SEC14L3: variants seen among roughly 807,000 people sequenced by gnomAD.
The protein encoded by SEC14L3 is SEC14 like lipid binding 3.
SEC14L3 carries 56 observed loss-of-function variants against 57.4 expected under a neutral mutation model. The ratio of observed to expected loss-of-function variants is 0.97; its 90% CI spans 0.79 to 1.22. The LOEUF is 1.22. Among genes scored for constraint, SEC14L3 ranks in the 50% most tolerant of loss-of-function variants. The probability of loss-of-function intolerance (pLI) is 0.00; values close to 1 mark genes in which losing one functional copy is unlikely to be tolerated. For missense variants in SEC14L3, 485 were observed against 511.7 expected (o/e 0.95, Z 0.50); for synonymous variants, 173 against 194.4 (o/e 0.89, Z 0.92).
At chr22:30,454,758 T>G (rs1216368390), downstream of SEC14L3, among the ~76,000 whole-genome samples, 4 of 83,032 alleles carry the variant, frequency 4.8e-5, no homozygotes, top group Non-Finnish European at 8.1e-5. Context: ...TTATATATAA[T>G]ATATAATATA....
downstream of SEC14L3, among the ~76,000 whole-genome samples, chr22:30,456,333 G>A (rs1483071064): frequency 2.0e-5 from 3 of 147,616 alleles, no homozygotes; most frequent in Non-Finnish European, 3.0e-5. Flanking sequence ...CACCAAACAC[G>A]AAAAAAGGAA....
At chr22:30,452,002 A>AC (rs1259362670) in intron 12 of SEC14L3, among the ~76,000 whole-genome samples, 1 of 145,306 alleles carries the variant, frequency 6.9e-6, no homozygotes, top group Non-Finnish European at 1.5e-5. Context: ...AAAAAAAAAA[A>AC]AAAAAAAGAA....
chr22:30,452,533 T>C (rs1449819602), intron 12 of SEC14L3, among the ~76,000 whole-genome samples: 1 of 151,912 alleles, frequency 6.6e-6, no homozygotes, highest in East Asian at 1.9e-4. Context: ...TCAAGGACTT[T>C]TCCAGACCTC....
At chr22:30,468,415 T>C (rs1935491098) in intron 5 of SEC14L3, 93 bp downstream of exon 5, 2 of 893,880 alleles carry the variant, frequency 2.2e-6, no homozygotes, top group African/African-American at 3.3e-5. Flanking sequence ...CCTCTGACTG[T>C]GGTTGTAGAG....
At chr22:30,454,536 A>AATAATATTATTAGATATAATCT (rs1556005535), downstream of SEC14L3, among the ~76,000 whole-genome samples, 70 of 73,694 alleles carry the variant, frequency 9.5e-4, 2 homozygotes, top group East Asian at 0.011. Flanking sequence ...TATAATCTAT[A>AATAATATTATTAGATATAATCT]ATAATATTAT....
downstream of SEC14L3, among the ~76,000 whole-genome samples, chr22:30,458,323 G>A (rs1490167333): frequency 2.6e-5 from 4 of 152,182 alleles, no homozygotes; most frequent in Non-Finnish European, 4.4e-5. Context: ...TGTGAGCAGC[G>A]GACAGGATGC....
chr22:30,459,249 A>T lies in SEC14L3; in HGVS notation c.*772T>A. On this transcript the variant is annotated 3_prime_UTR_variant, in exon 12 of 12. Coordinates refer to ENST00000215812, the MANE Select transcript of SEC14L3 (RefSeq NM_174975.5). ...CCAAATGATAGTTGTTTTCTTTATTATGATTATGCCAGATGTGACTGCCTT... is the reference window on the plus strand; with the variant it reads ...CCAAATGATAGTTGTTTTCTTTATTTTGATTATGCCAGATGTGACTGCCTT... The T allele has an allele frequency of 1.0e-6, 1 of 984,638 alleles. No individual in the cohort carries two copies. The highest frequency in any genetic ancestry group is 1.2e-6 in the Non-Finnish European group (1 of 829,208). 61.0% of individuals were successfully genotyped at this position (984,638 alleles called of 1,614,324 possible).
chr22:30,465,954 G>A (rs946158409), intron 7 of SEC14L3, among the ~76,000 whole-genome samples: 3 of 152,228 alleles, frequency 2.0e-5, no homozygotes, highest in African/African-American at 7.2e-5. Flanking sequence ...CTGGCTTCAA[G>A]GAGCAGAAAA....
intron 1 of SEC14L3, chr22:30,471,076 G>A (rs1935593656): frequency 3.1e-6 from 1 of 327,220 alleles, no homozygotes; most frequent in South Asian, 2.3e-5. Flanking sequence ...CCTGAGGTCA[G>A]GAGTTTGAGA....
At chr22:30,471,220 G>A (rs765970359) in intron 1 of SEC14L3, 36 of 439,040 alleles carry the variant, frequency 8.2e-5, no homozygotes, top group Non-Finnish European at 1.4e-4. Context: ...GGGAGACAGA[G>A]GCTGCAGTGA....
In SEC14L3 at chr22:30,471,977, A is replaced by G. The variant is rs755101643; in HGVS notation, c.-19T>C. The G allele has an allele frequency of 6.3e-7, 1 of 1,593,996 alleles. No homozygotes were observed. Among genetic ancestry groups the G allele is most frequent in the South Asian group, 1.1e-5 (1 of 88,822 alleles). On this transcript the variant is annotated 5_prime_UTR_variant, in exon 1 of 12. Coordinates refer to ENST00000215812, the MANE Select transcript of SEC14L3 (RefSeq NM_174975.5). ...CGCTCATGGTGCTGGCTGGGGCTTG[A>G]GGAGTGGTGGCCACTATAGGCAAGA... is the stretch of plus-strand genomic sequence containing the variant.
At chr22:30,460,282 C>T (rs1935212771) in intron 11 of SEC14L3, 140 bp from the exon 12 acceptor site, 6 of 1,479,024 alleles carry the variant, frequency 4.1e-6, no homozygotes. Flanking sequence ...ACGCCTCTTC[C>T]CTTCCCCATG....
In SEC14L3 at chr22:30,453,307, A is replaced by G. The variant is rs1935022487; in HGVS notation, c.905-4063T>C. Among the ~76,000 whole-genome samples the G allele has an allele frequency of 3.3e-5, 5 of 152,342 alleles. No individual in the cohort carries two copies. In the South Asian group the frequency reaches 1.0e-3, roughly 32 times the overall value. Reference sequence around the variant, plus strand: ...ACCTCTTTTGCATTTGTGATGGCACAGTAGTCTAGGAATGGAAGTAGGAGA... The same window carrying G: ...ACCTCTTTTGCATTTGTGATGGCACGGTAGTCTAGGAATGGAAGTAGGAGA... On this transcript the variant is annotated intron_variant, in intron 12 of 12. Transcript: ENST00000403066.
chr22:30,466,892 TA>T, intron 6 of SEC14L3, 89 bp downstream of exon 6: 2 of 1,279,224 alleles, frequency 1.6e-6, no homozygotes, highest in Non-Finnish European at 1.1e-6. Context: ...ATTTTTAAAC[TA>T]AATCTTGGCT....
intron 6 of SEC14L3, 95 bp from the exon 7 acceptor site, chr22:30,466,489 T>A: frequency 6.4e-7 from 1 of 1,565,706 alleles, no homozygotes; most frequent in Non-Finnish European, 8.7e-7. Context: ...TTCAGATGGC[T>A]CTGGAGGGTT....
At position 30,468,670 on chromosome 22, in the gene SEC14L3, G is replaced by A. The variant is rs752823164; in HGVS notation, c.261C>T (p.Gly87=). ...PEVIQKYMPG[G]LCGYDRDGCP... Reference sequence around the variant, plus strand: ...AGCCATCACGGTCATAGCCACACAGGCCCCCAGGCATGTACTTCTGGATCA... The same window carrying A: ...AGCCATCACGGTCATAGCCACACAGACCCCCAGGCATGTACTTCTGGATCA... The change falls in exon 5 of 12, where the codon GGC becomes GGT. Residue 87 remains glycine, a synonymous_variant. Transcript: ENST00000215812. 5 of 1,613,540 alleles carry A rather than the reference G, an allele frequency of 3.1e-6. No individual in the cohort carries two copies. The South Asian group carries it at 4.4e-5, about 14-fold the overall frequency.
chr22:30,456,966 T>G (rs1288467394), downstream of SEC14L3, among the ~76,000 whole-genome samples: 2 of 152,232 alleles, frequency 1.3e-5, no homozygotes, highest in East Asian at 3.8e-4. Flanking sequence ...TTCTTTGCAC[T>G]GCTCCACCTC....
chr22:30,449,197 T>C lies in SEC14L3; in HGVS notation c.952A>G (p.Ile318Val), dbSNP rs1258185054. 4.5e-6 allele frequency: 7 copies of C among 1,550,444 alleles called. No homozygotes were observed. In the East Asian group the frequency reaches 1.7e-4, roughly 38 times the overall value. Residue 318 changes from isoleucine to valine, a missense_variant, in exon 13 of 13, where the codon ATA (isoleucine) becomes GTA (valine). Ile to Val is a conservative substitution (Grantham distance 29). Coordinates refer to the SEC14L3 transcript ENST00000403066. ...GAGTTCTGTAGCTCATGGCTGCATATAATCACGGGCAGATGACAGCAAGAC... is the reference window on the plus strand; with the variant it reads ...GAGTTCTGTAGCTCATGGCTGCATACAATCACGGGCAGATGACAGCAAGAC...
At chr22:30,468,443 G>T in intron 5 of SEC14L3, 65 bp downstream of exon 5, 2 of 1,277,436 alleles carry the variant, frequency 1.6e-6, no homozygotes, top group Non-Finnish European at 2.2e-6. Context: ...GTGTGTTTCT[G>T]AGACCAATCC....
Sources: gnomAD v4.1 joint callset for allele counts (sites outside exome capture counted in the v4.1 genomes callset) on GRCh38, gnomAD v4.1.1 for gene constraint, MANE v1.5 for transcripts, NCBI Gene and HGNC (gene_info 2026-07-23, HGNC 2026-07-21) for gene names.